The following ZSWIM8 variants were observed in gnomAD, a reference collection of about 807,000 sequenced individuals.
The protein encoded by ZSWIM8 is zinc finger SWIM domain-containing protein 8.
A neutral mutation model predicts 173.7 loss-of-function variants in ZSWIM8; 27 were observed. The observed-to-expected ratio is 0.16, with a 90% CI of 0.11 to 0.21. The LOEUF (loss-of-function observed/expected upper bound fraction) is 0.21, where lower values mean the gene tolerates loss of function less well. ZSWIM8 is among the 10% of genes least tolerant of loss of function. The pLI is 1.00. For missense variants in ZSWIM8, 1,627 were observed against 2,428.8 expected (o/e 0.67, Z 6.94); for synonymous variants, 958 against 962.0 (o/e 1.00, Z 0.08).
chr10:73,799,613 T>C (rs1216380615), intron 21 of ZSWIM8, 123 bp downstream of exon 21: 1 of 1,361,254 alleles, frequency 7.3e-7, no homozygotes, highest in Non-Finnish European at 1.0e-6. Flanking sequence ...GTGGTGGGAG[T>C]CTGGGGGACC....
rs766689270 is a variant in ZSWIM8 at position 73,800,022 on chromosome 10, T to C, written c.4677T>C (p.Pro1559=). The C allele has an allele frequency of 7.4e-6, 12 of 1,613,346 alleles. No homozygotes were observed. Among genetic ancestry groups the C allele is most frequent in the Admixed American group, 1.7e-5 (1 of 59,986 alleles). The change falls in exon 22 of 26, where the codon CCT becomes CCC. Residue 1559 remains proline (P), a synonymous_variant. Coordinates refer to ENST00000604729, the MANE Select transcript of ZSWIM8 (RefSeq NM_001367799.1). This position sits in a 1 kb window ranked among gnomAD's most constrained non-coding sequence, Gnocchi z 4.1. The part of the protein sequence containing the change: ...PSSAYPQGVH[P]AFLGAQYPYS... ...CTCCCTGCCCCTAGGGTGTGCATCCTGCATTCCTAGGGGCTCAGTACCCTT... is the reference window on the plus strand; with the variant it reads ...CTCCCTGCCCCTAGGGTGTGCATCCCGCATTCCTAGGGGCTCAGTACCCTT...
chr10:73,789,769 A>G lies in ZSWIM8; in HGVS notation c.683A>G (p.Gln228Arg). The G allele has an allele frequency of 6.2e-7, 1 of 1,610,400 alleles. No individual in the cohort carries two copies. The highest frequency in any genetic ancestry group is 8.5e-7 in the Non-Finnish European group (1 of 1,178,460). Residue 228 changes from glutamine (Q) to arginine (R), a missense_variant, in exon 5 of 26, where the codon CAG becomes CGG. By Grantham distance (43) the Gln-to-Arg change is conservative. Transcript: ENST00000604729. The surrounding 1 kb of genome is among the most constrained non-coding windows in gnomAD (Gnocchi z 6.8). ...GTCTCAGAGTCCCTGTCCCGGCTAC[A>G]GAGGGACCAGCTGCAAAAGTTTGCT... ...APVSESLSRL[Q>R]RDQLQKFAQY...
intron 1 of ZSWIM8, among the ~76,000 whole-genome samples, chr10:73,787,339 C>T (rs143360748): frequency 0.012 from 1,894 of 152,296 alleles, 23 homozygotes; most frequent in Non-Finnish European, 0.02. Flanking sequence ...ACACACAGAT[C>T]ATAGGCAGTT....
In ZSWIM8 at chr10:73,785,848, G is replaced by C; in HGVS notation, c.-31G>C. On this transcript the variant is annotated 5_prime_UTR_variant, in exon 1 of 26. Coordinates refer to ENST00000604729, the MANE Select transcript of ZSWIM8 (RefSeq NM_001367799.1). ...GCGGCCCAGGCCCCGGATCCGCGGG[G>C]GGGGACCCGGCCCCGGGGGGTGCGG... 3 of 1,474,614 alleles carry C rather than the reference G, an allele frequency of 2.0e-6. No homozygotes were observed. The highest frequency in any genetic ancestry group is 2.7e-6 in the Non-Finnish European group (3 of 1,109,570). 91.3% of individuals were successfully genotyped at this position (1,474,614 alleles called of 1,614,324 possible). A position where few individuals can be genotyped will look rare whatever the true frequency, so the allele number is the denominator to read the frequency against.
chr10:73,792,973 C>A lies in ZSWIM8; in HGVS notation c.2313+121C>A. The A allele has an allele frequency of 8.3e-7, 1 of 1,211,810 alleles. No homozygotes were observed. Among genetic ancestry groups the A allele is most frequent in the Non-Finnish European group, 1.1e-6 (1 of 882,646 alleles). 75.1% of individuals were successfully genotyped at this position (1,211,810 alleles called of 1,614,324 possible). Reference sequence around the variant, plus strand: ...ATTGTGAGAACCCTGTTGCAGGCGCCGAACTGGTCTCCCTGCTTTCAGTCT... The same window carrying A: ...ATTGTGAGAACCCTGTTGCAGGCGCAGAACTGGTCTCCCTGCTTTCAGTCT... On this transcript the variant is annotated intron_variant, in intron 10 of 25. Coordinates refer to ENST00000604729, the MANE Select transcript of ZSWIM8 (RefSeq NM_001367799.1). The surrounding 1 kb of genome is among the most constrained non-coding windows in gnomAD (Gnocchi z 4.3).
chr10:73,787,597 A>G (rs1207994701), intron 1 of ZSWIM8, among the ~76,000 whole-genome samples: 1 of 152,132 alleles, frequency 6.6e-6, no homozygotes. Context: ...CGTGCCTGTA[A>G]TCCCAGTACT....
At position 73,793,689 on chromosome 10, in the gene ZSWIM8, C is replaced by G; in HGVS notation, c.2415C>G (p.Pro805=). 1 of 1,613,412 alleles carries G rather than the reference C, an allele frequency of 6.2e-7. No homozygotes were observed. Reference sequence around the variant, plus strand: ...CCCAGGATCTGCTAGCCAACCCACCCGACCTCAAGGTAGAGCCGCCCCCTG... The same window carrying G: ...CCCAGGATCTGCTAGCCAACCCACCGGACCTCAAGGTAGAGCCGCCCCCTG... ...ELAQDLLANP[P]DLKVEPPPAK... is the part of the protein sequence containing the mutation. Residue 805 remains proline, a synonymous_variant, in exon 11 of 26, where the codon CCC becomes CCG. Coordinates refer to ENST00000604729, the MANE Select transcript of ZSWIM8 (RefSeq NM_001367799.1).
chr10:73,795,351 G>A (rs2083590294), intron 14 of ZSWIM8, among the ~76,000 whole-genome samples, 188 bp from the exon 15 acceptor site: 2 of 152,310 alleles, frequency 1.3e-5, no homozygotes, highest in South Asian at 4.1e-4. Context: ...TGGTTATGAA[G>A]GTTTTGAAAA....
Position 73,800,925 on chromosome 10 carries a change from GCT to G in ZSWIM8, c.5123-87_5123-86del, listed in dbSNP as rs1589602091. Reference sequence around the variant, plus strand: ...ACCTCAGCTCCTGGGGTGGAGGGAGGCTCTCTGCCAGGCCAGAGCTGAGATCT... The same window carrying G: ...ACCTCAGCTCCTGGGGTGGAGGGAGGCTCTGCCAGGCCAGAGCTGAGATCT... On this transcript the variant is annotated intron_variant, in intron 24 of 25. Transcript: ENST00000604729. The surrounding 1 kb of genome is among the most constrained non-coding windows in gnomAD (Gnocchi z 4.1). 7.4e-7 allele frequency: 1 copy of G among 1,351,042 alleles called. No individual in the cohort carries two copies. The highest frequency in any genetic ancestry group is 1.4e-5 in the African/African-American group (1 of 69,264). 83.7% of individuals were successfully genotyped at this position (1,351,042 alleles called of 1,614,324 possible). A position where few individuals can be genotyped will look rare whatever the true frequency, so the allele number is the denominator to read the frequency against.
Position 73,801,776 on chromosome 10 carries a change from A to T in ZSWIM8, c.*257A>T, listed in dbSNP as rs1489180085. ...TTTATTTGGCATTTATAAATATATA[A>T]ACTCCTTTTTTACTCTAGTCGACCT... On this transcript the variant is annotated 3_prime_UTR_variant, in exon 26 of 26. Transcript: ENST00000604729. This position sits in a 1 kb window ranked among gnomAD's most constrained non-coding sequence, Gnocchi z 4.9. The T allele has an allele frequency of 8.2e-6, 12 of 1,460,878 alleles. No homozygotes were observed. The East Asian group carries it at 3.4e-4, about 41-fold the overall frequency. 90.5% of individuals were successfully genotyped at this position (1,460,878 alleles called of 1,614,324 possible). A position where few individuals can be genotyped will look rare whatever the true frequency, so the allele number is the denominator to read the frequency against.
intron 15 of ZSWIM8, chr10:73,796,415 A>C: frequency 2.4e-6 from 1 of 409,844 alleles, no homozygotes. Context: ...TAAGTAGGGA[A>C]TCTTGGGGAC....
Position 73,801,548 on chromosome 10 carries a change from G to A in ZSWIM8, c.*29G>A. The A allele has an allele frequency of 6.2e-7, 1 of 1,610,596 alleles. No homozygotes were observed. The highest frequency in any genetic ancestry group is 8.5e-7 in the Non-Finnish European group (1 of 1,178,858). On this transcript the variant is annotated 3_prime_UTR_variant, in exon 26 of 26. Coordinates refer to ENST00000604729, the MANE Select transcript of ZSWIM8 (RefSeq NM_001367799.1). The surrounding 1 kb of genome is among the most constrained non-coding windows in gnomAD (Gnocchi z 4.9). ...TTTCACCCTTAGGGTCCTATACAGG[G>A]ACCCAGGCCTGTGGCTATGGGGGCC...
intron 14 of ZSWIM8, 112 bp downstream of exon 14, chr10:73,794,751 G>T: frequency 1.1e-6 from 1 of 948,468 alleles, no homozygotes. Context: ...GATGACATGT[G>T]TGAGCCAACT....
rs373223260 is a variant in ZSWIM8, at chr10:73,793,690, G to A, written c.2416G>A (p.Asp806Asn). Residue 806 changes from aspartate (D) to asparagine (N), a missense_variant, in exon 11 of 26, where the codon GAC becomes AAC. This residue lies in a region of ZSWIM8 where 169 missense variants were observed against 235.3 expected (regional missense o/e 0.72). Coordinates refer to ENST00000604729, the MANE Select transcript of ZSWIM8 (RefSeq NM_001367799.1). ...CCAGGATCTGCTAGCCAACCCACCC[G>A]ACCTCAAGGTAGAGCCGCCCCCTGC... ...LAQDLLANPP[D>N]LKVEPPPAKG... 5.0e-6 allele frequency: 8 copies of A among 1,613,042 alleles called. No homozygotes were observed. The highest frequency in any genetic ancestry group is 4.0e-5 in the African/African-American group (3 of 74,854).
At chr10:73,793,441 C>T in intron 10 of ZSWIM8, 147 bp from the exon 11 acceptor site, 1 of 827,044 alleles carries the variant, frequency 1.2e-6, no homozygotes, top group Non-Finnish European at 1.8e-6. Context: ...GTTTATGTGT[C>T]TGTCTTTCTA....
At chr10:73,790,618 G>A (rs938759152) in intron 7 of ZSWIM8, among the ~76,000 whole-genome samples, 1 of 152,208 alleles carries the variant, frequency 6.6e-6, no homozygotes, top group South Asian at 2.1e-4. Context: ...GGAGGCTGAC[G>A]TGGGCAGATC....
At chr10:73,795,063 C>T (rs933988633) in intron 14 of ZSWIM8, 2 of 177,148 alleles carry the variant, frequency 1.1e-5, no homozygotes, top group South Asian at 1.1e-4. Flanking sequence ...GTGATTGCAC[C>T]ACTGCCCTCT....
intron 14 of ZSWIM8, 101 bp downstream of exon 14, chr10:73,794,740 G>A (rs2083550142): frequency 9.1e-7 from 1 of 1,100,328 alleles, no homozygotes. Context: ...GGGAAGGTCA[G>A]GATGACATGT....
chr10:73,797,086 T>C lies in ZSWIM8; in HGVS notation c.3275-27T>C, dbSNP rs1352840783. The stretch of plus-strand genomic sequence containing the variant: ...GTTGAGGTCCCCTTTCCTGGGCTCA[T>C]CCCAGCGTCCTGTTTTCCTCACCTA... On this transcript the variant is annotated intron_variant, in intron 16 of 25. Coordinates refer to ENST00000604729, the MANE Select transcript of ZSWIM8 (RefSeq NM_001367799.1). This position sits in a 1 kb window ranked among gnomAD's most constrained non-coding sequence, Gnocchi z 5.6. 6.2e-7 allele frequency: 1 copy of C among 1,613,302 alleles called. No homozygotes were observed. The highest frequency in any genetic ancestry group is 1.7e-5 in the Admixed American group (1 of 59,914).
Sources: allele counts gnomAD v4.1 joint callset (sites outside exome capture counted in the v4.1 genomes callset), GRCh38; gene constraint gnomAD v4.1.1; regional missense constraint gnomAD v4.1.1; non-coding constraint Gnocchi (gnomAD v3.1); transcripts MANE v1.5; gene names NCBI Gene and HGNC (gene_info 2026-07-23, HGNC 2026-07-21).